The following SEMA3E variants were observed in gnomAD, a reference collection of about 807,000 sequenced individuals.
SEMA3E encodes the protein semaphorin-3E.
A neutral mutation model predicts 93.6 loss-of-function variants in SEMA3E; 49 were observed. The observed-to-expected ratio is 0.52, with a 90% confidence interval of 0.42 to 0.66. The LOEUF is 0.66. SEMA3E is among the 30% of genes least tolerant of loss of function. The pLI, the probability that SEMA3E is intolerant of heterozygous loss-of-function variation, is 0.00. For missense variants in SEMA3E, 906 were observed against 964.8 expected (o/e 0.94, Z 0.81); for synonymous variants, 363 against 330.7 (o/e 1.10, Z -1.06).
chr7:83,640,543 ATT>A (rs1163284592), intron 1 of SEMA3E, among the ~76,000 whole-genome samples: 2 of 152,134 alleles, frequency 1.3e-5, no homozygotes, highest in Non-Finnish European at 2.9e-5. Flanking sequence ...CTAGTAAGCT[ATT>A]TACTTAGTAT....
chr7:83,645,390 A>T (rs536666354), intron 1 of SEMA3E, among the ~76,000 whole-genome samples: 1 of 152,112 alleles, frequency 6.6e-6, no homozygotes, highest in South Asian at 2.1e-4. Context: ...ATACAGCCAA[A>T]CTCAACTCAA....
intron 1 of SEMA3E, among the ~76,000 whole-genome samples, chr7:83,589,899 A>G (rs1020471915): frequency 6.6e-6 from 1 of 152,062 alleles, no homozygotes; most frequent in Admixed American, 6.6e-5. Flanking sequence ...AAAAACCTTA[A>G]TGCTTTTATT....
At chr7:83,437,281 C>A (rs73393309) in intron 4 of SEMA3E, among the ~76,000 whole-genome samples, 4,366 of 152,098 alleles carry the variant, frequency 0.029, 231 homozygotes, top group African/African-American at 0.099. Context: ...TGTCCTACAA[C>A]CTTGTACTAA....
At chr7:83,467,658 T>C (rs1056104564) in intron 3 of SEMA3E, among the ~76,000 whole-genome samples, 1 of 152,166 alleles carries the variant, frequency 6.6e-6, no homozygotes, top group African/African-American at 2.4e-5. Context: ...CAAAACTAAA[T>C]GTGTGGGGCT....
At chr7:83,506,136 C>T (rs1252065163) in intron 1 of SEMA3E, among the ~76,000 whole-genome samples, 1 of 150,708 alleles carries the variant, frequency 6.6e-6, no homozygotes. Context: ...TCTTATTGAT[C>T]TGTTTTCCTG....
At chr7:83,460,333 C>T (rs1366759114) in intron 4 of SEMA3E, among the ~76,000 whole-genome samples, 5 of 151,990 alleles carry the variant, frequency 3.3e-5, no homozygotes, top group Non-Finnish European at 5.9e-5. Context: ...TTCTCCTTTC[C>T]ACTCTTCAAT....
intron 4 of SEMA3E, among the ~76,000 whole-genome samples, chr7:83,441,666 TGGA>T (rs1195358222): frequency 2.0e-5 from 3 of 152,216 alleles, no homozygotes; most frequent in African/African-American, 7.2e-5. Flanking sequence ...CTCCATTTTA[TGGA>T]GGAGGACACT....
intron 1 of SEMA3E, among the ~76,000 whole-genome samples, chr7:83,525,874 G>T (rs545545716): frequency 1.4e-5 from 2 of 148,104 alleles, no homozygotes; most frequent in African/African-American, 2.5e-5. Flanking sequence ...GTGTTTAAAA[G>T]CAGCTCAAGA....
chr7:83,420,061 T>C (rs1040928562), intron 4 of SEMA3E, among the ~76,000 whole-genome samples: 3 of 152,150 alleles, frequency 2.0e-5, no homozygotes, highest in African/African-American at 7.2e-5. Flanking sequence ...GCTGAAAGTC[T>C]CCTAGAACAG....
intron 1 of SEMA3E, among the ~76,000 whole-genome samples, chr7:83,493,437 T>A (rs2115568946): frequency 6.6e-6 from 1 of 152,028 alleles, no homozygotes; most frequent in South Asian, 2.1e-4. Flanking sequence ...ATTGCCAAAA[T>A]ATGTCTGGAT....
At chr7:83,419,933 C>T (rs1331694634) in intron 4 of SEMA3E, among the ~76,000 whole-genome samples, 2 of 152,158 alleles carry the variant, frequency 1.3e-5, no homozygotes, top group Non-Finnish European at 2.9e-5. Flanking sequence ...ACTCTCACCA[C>T]TCCTATTCCA....
intron 4 of SEMA3E, among the ~76,000 whole-genome samples, chr7:83,430,184 G>C (rs1444973053): frequency 6.6e-6 from 1 of 152,086 alleles, no homozygotes; most frequent in Non-Finnish European, 1.5e-5. Context: ...GCCAAAATGG[G>C]CCGGGTACGG....
chr7:83,473,079 C>T (rs879767427), intron 2 of SEMA3E, among the ~76,000 whole-genome samples: 3 of 152,162 alleles, frequency 2.0e-5, no homozygotes, highest in Non-Finnish European at 2.9e-5. Flanking sequence ...AGTATGAAAA[C>T]GGACTAATAC....
At chr7:83,507,424 CTG>C (rs4016317) in intron 1 of SEMA3E, among the ~76,000 whole-genome samples, 12,902 of 125,720 alleles carry the variant, frequency 0.1, 653 homozygotes, top group East Asian at 0.14. Flanking sequence ...AAACAGAACT[CTG>C]TGTGTGTGTG....
At chr7:83,458,230 T>G (rs1172712413) in intron 4 of SEMA3E, among the ~76,000 whole-genome samples, 1 of 151,792 alleles carries the variant, frequency 6.6e-6, no homozygotes, top group African/African-American at 2.4e-5. Context: ...ATAAAGTTAT[T>G]CAATATCATG....
chr7:83,407,429 T>C (rs758839694), intron 6 of SEMA3E, among the ~76,000 whole-genome samples, 190 bp from the exon 7 acceptor site: 6 of 152,178 alleles, frequency 3.9e-5, no homozygotes, highest in Admixed American at 1.3e-4. Flanking sequence ...TATTTGCATA[T>C]TAACAGCCCT....
chr7:83,538,539 C>A (rs775637936), intron 1 of SEMA3E, among the ~76,000 whole-genome samples: 5 of 152,122 alleles, frequency 3.3e-5, no homozygotes, highest in Non-Finnish European at 5.9e-5. Flanking sequence ...CACCAACCTC[C>A]AGTAGGCATA....
At chr7:83,443,820 GATTT>G (rs1789169196) in intron 4 of SEMA3E, among the ~76,000 whole-genome samples, 1 of 151,568 alleles carries the variant, frequency 6.6e-6, no homozygotes, top group South Asian at 2.1e-4. Flanking sequence ...ATCTTTTATT[GATTT>G]ATATTAATGC....
chr7:83,604,033 A>T (rs1365127190), intron 1 of SEMA3E, among the ~76,000 whole-genome samples: 3 of 152,292 alleles, frequency 2.0e-5, no homozygotes, highest in East Asian at 3.9e-4. Context: ...GAATGAAGAG[A>T]TTCATATCCC....
Sources: gnomAD v4.1 joint callset for allele counts (sites outside exome capture counted in the v4.1 genomes callset) on GRCh38, gnomAD v4.1.1 for gene constraint, MANE v1.5 for transcripts, NCBI Gene and HGNC (gene_info 2026-07-23, HGNC 2026-07-21) for gene names.